The following PCDHA4 variants were observed in gnomAD, a reference collection of about 807,000 sequenced individuals.
PCDHA4 encodes protocadherin alpha 4, also known as protocadherin alpha-4.
A neutral mutation model predicts 61.4 loss-of-function variants in PCDHA4; 49 were observed. That is an observed-to-expected ratio of 0.80 (90% CI 0.63 to 1.01). PCDHA4 has a LOEUF of 1.01. Ranked by LOEUF, PCDHA4 falls within the 50% of genes least tolerant of loss-of-function variation. The pLI, the probability that PCDHA4 is intolerant of heterozygous loss-of-function variation, is 0.00. For synonymous variants in PCDHA4, 590 were observed against 550.3 expected, an observed-to-expected ratio of 1.07 and a Z score of -1.01; for missense variants, 1,254 against 1,235.8, an observed-to-expected ratio of 1.01 and a Z score of -0.22.
At chr5:140,922,547 G>A (rs1269163353) in intron 1 of PCDHA4, among the ~76,000 whole-genome samples, 2 of 152,192 alleles carry the variant, frequency 1.3e-5, no homozygotes, top group Non-Finnish European at 2.9e-5. Context: ...GGCAAGGTAA[G>A]GAGAAAAGTC....
At chr5:140,937,238 C>T (rs1339814732) in intron 1 of PCDHA4, among the ~76,000 whole-genome samples, 1 of 151,920 alleles carries the variant, frequency 6.6e-6, no homozygotes, top group Admixed American at 6.6e-5. Flanking sequence ...GGGGTTTCAC[C>T]GTGTTAGCCA....
At chr5:140,945,673 A>G (rs192775886) in intron 1 of PCDHA4, among the ~76,000 whole-genome samples, 137 of 152,272 alleles carry the variant, frequency 9.0e-4, no homozygotes, top group Middle Eastern at 3.4e-3. Context: ...CCAGAAATAA[A>G]TCCACACAGT....
chr5:140,877,511 C>T (rs1582389090), intron 1 of PCDHA4: 2 of 1,613,808 alleles, frequency 1.2e-6, no homozygotes, highest in Non-Finnish European at 1.7e-6. Context: ...AAGACGTCGT[C>T]GCGGGCCTCA....
At chr5:140,971,487 C>T (rs1285006281) in intron 1 of PCDHA4, among the ~76,000 whole-genome samples, 1 of 152,110 alleles carries the variant, frequency 6.6e-6, no homozygotes, top group African/African-American at 2.4e-5. Flanking sequence ...CACATTGTTA[C>T]AGTGTGGCAA....
rs782628181 is a variant in PCDHA4, at chr5:140,850,474, C to G, written c.2385+40902C>G. 1.3e-6 allele frequency: 2 copies of G among 1,597,756 alleles called. 1 individual carries two copies. The highest frequency in any genetic ancestry group is 1.7e-6 in the Non-Finnish European group (2 of 1,167,580). On this transcript the variant is annotated intron_variant, in intron 1 of 3. Coordinates refer to ENST00000530339, the MANE Select transcript of PCDHA4 (RefSeq NM_018907.4). ...AAAGACCACGGGGAGCCAGCGCTGA[C>G]GGCCACGGCCACTGTGCTGGTGTCG...
intron 1 of PCDHA4, among the ~76,000 whole-genome samples, chr5:140,937,093 A>G (rs1466127180): frequency 6.8e-6 from 1 of 146,414 alleles, no homozygotes; most frequent in African/African-American, 2.6e-5. Context: ...GCTGGAGTGC[A>G]GTGGCGCAGT....
chr5:141,000,734 T>A (rs1221425075), intron 3 of PCDHA4, among the ~76,000 whole-genome samples: 4 of 150,588 alleles, frequency 2.7e-5, no homozygotes, highest in Non-Finnish European at 4.4e-5. Flanking sequence ...GGCCCCTATC[T>A]CTGTATATTA....
At chr5:140,859,835 A>G (rs2046039280) in intron 1 of PCDHA4, 1 of 152,134 alleles carries the variant, frequency 6.6e-6, no homozygotes, top group South Asian at 2.1e-4. Context: ...TGTATTTGTT[A>G]TTTTATCAAA....
chr5:140,853,458 T>C (rs17119248), intron 1 of PCDHA4: 56,285 of 974,400 alleles, frequency 0.058, 6,090 homozygotes, highest in Middle Eastern at 0.078. Context: ...GGTCTCCTTA[T>C]ATGCATCTGT....
At chr5:140,822,658 A>G (rs2150118258) in intron 1 of PCDHA4, 42 of 1,608,556 alleles carry the variant, frequency 2.6e-5, no homozygotes, top group Non-Finnish European at 3.4e-5. Flanking sequence ...ATTTATAATT[A>G]ATTCTAATAC....
chr5:140,998,547 A>C (rs1173862918), intron 3 of PCDHA4, among the ~76,000 whole-genome samples: 4 of 150,288 alleles, frequency 2.7e-5, no homozygotes, highest in African/African-American at 9.8e-5. Flanking sequence ...TCCTAATTTA[A>C]TGTCTAATTT....
intron 3 of PCDHA4, among the ~76,000 whole-genome samples, chr5:140,995,046 A>C (rs193191582): frequency 1.9e-4 from 29 of 152,184 alleles, no homozygotes; most frequent in Non-Finnish European, 3.7e-4. Context: ...CCTTAACTCT[A>C]CTGAATTTTC....
At chr5:140,878,516 G>A (rs2057626740) in intron 1 of PCDHA4, among the ~76,000 whole-genome samples, 1 of 152,122 alleles carries the variant, frequency 6.6e-6, no homozygotes. Context: ...CAGTACAGTT[G>A]GTAACCAACT....
chr5:140,908,795 A>C (rs2074156138), intron 1 of PCDHA4, among the ~76,000 whole-genome samples: 1 of 152,202 alleles, frequency 6.6e-6, no homozygotes, highest in South Asian at 2.1e-4. Context: ...TCTGTACTAC[A>C]TTAAAAAGTG....
intron 1 of PCDHA4, among the ~76,000 whole-genome samples, chr5:140,909,217 C>T (rs2074379679): frequency 6.6e-6 from 1 of 152,106 alleles, no homozygotes; most frequent in Non-Finnish European, 1.5e-5. Context: ...GTTGATATAC[C>T]CCTGAGGTAG....
At chr5:140,842,693 C>A in intron 1 of PCDHA4, 1 of 1,595,288 alleles carries the variant, frequency 6.3e-7, no homozygotes. Context: ...GTTCGCGCAG[C>A]CCGAGTACAC....
In PCDHA4 at chr5:140,808,583, G is replaced by A; in HGVS notation, c.1396G>A (p.Glu466Lys). 6.2e-7 allele frequency: 1 copy of A among 1,614,040 alleles called. No homozygotes were observed. The highest frequency in any genetic ancestry group is 8.5e-7 in the Non-Finnish European group (1 of 1,179,982). The change falls in exon 1 of 4, where the codon GAG (glutamate) becomes AAG (lysine). Residue 466 changes from glutamate (E) to lysine (K), a missense_variant. Physicochemically the swap from Glu to Lys is moderately conservative, Grantham distance 56. Transcript: ENST00000530339. Reference sequence around the variant, plus strand: ...GCCCGAGTACACAGTGTTCGTGAAGGAGAACAACCCGCCGGGCTGCCACAT... The same window carrying A: ...GCCCGAGTACACAGTGTTCGTGAAGAAGAACAACCCGCCGGGCTGCCACAT... ...AQPEYTVFVK[E>K]NNPPGCHIFT...
At chr5:140,968,704 G>A (rs782208487) in intron 1 of PCDHA4, 6 of 1,614,002 alleles carry the variant, frequency 3.7e-6, no homozygotes, top group Admixed American at 1.7e-5. Context: ...GGACTACCAG[G>A]AAGATGGGAG....
intron 1 of PCDHA4, chr5:140,821,569 G>A (rs1767002777): frequency 5.6e-6 from 3 of 538,590 alleles, no homozygotes; most frequent in South Asian, 7.1e-5. Context: ...GCTGGACACC[G>A]GAAGGTTTTT....
Sources: allele counts gnomAD v4.1 joint callset (sites outside exome capture counted in the v4.1 genomes callset), GRCh38; gene constraint gnomAD v4.1.1; transcripts MANE v1.5; gene names NCBI Gene and HGNC (gene_info 2026-07-23, HGNC 2026-07-21).